HSD17B4: variants seen among roughly 807,000 people sequenced by gnomAD.
HSD17B4 encodes the protein peroxisomal multifunctional enzyme type 2.
HSD17B4 carries 70 observed loss-of-function variants against 101.0 expected under a neutral mutation model. That is an observed-to-expected ratio of 0.69 (90% CI 0.57 to 0.85). The LOEUF is 0.85. HSD17B4 is among the 40% of genes least tolerant of loss of function. The probability of loss-of-function intolerance (pLI) is 0.00; values close to 1 mark genes in which losing one functional copy is unlikely to be tolerated. For synonymous variants in HSD17B4, 347 were observed against 297.1 expected (o/e 1.17, Z -1.73); for missense variants, 984 against 892.4 (o/e 1.10, Z -1.31).
chr5:119,500,090 A>T (rs879253484), intron 13 of HSD17B4, among the ~76,000 whole-genome samples: 1 of 152,128 alleles, frequency 6.6e-6, no homozygotes, highest in Non-Finnish European at 1.5e-5. Flanking sequence ...CCATTTGTTG[A>T]TCTGAGCTGA....
intron 21 of HSD17B4, 106 bp from the exon 22 acceptor site, chr5:119,531,160 T>C: frequency 1.5e-5 from 16 of 1,085,952 alleles, no homozygotes; most frequent in East Asian, 2.5e-5. Flanking sequence ...AACTGACTTA[T>C]GTACAGAGTT....
intron 17 of HSD17B4, among the ~76,000 whole-genome samples, chr5:119,523,924 A>T (rs1278814757): frequency 6.6e-6 from 1 of 152,122 alleles, no homozygotes; most frequent in East Asian, 1.9e-4. Context: ...TCTAGATCTG[A>T]CTAGTACCAA....
At chr5:119,464,444 T>G (rs534284316) in intron 2 of HSD17B4, among the ~76,000 whole-genome samples, 1 of 152,322 alleles carries the variant, frequency 6.6e-6, no homozygotes, top group East Asian at 1.9e-4. Flanking sequence ...TTGAAGAGAC[T>G]GTCATTTCCC....
At chr5:119,534,576 G>A (rs1754383869) in intron 22 of HSD17B4, among the ~76,000 whole-genome samples, 1 of 152,012 alleles carries the variant, frequency 6.6e-6, no homozygotes, top group Non-Finnish European at 1.5e-5. Context: ...CTGGGTTGGT[G>A]CTCATCTTCT....
At chr5:119,517,200 C>T (rs1752697461) in intron 17 of HSD17B4, among the ~76,000 whole-genome samples, 2 of 152,234 alleles carry the variant, frequency 1.3e-5, no homozygotes, top group African/African-American at 4.8e-5. Context: ...GCACTCAGAG[C>T]AGCTGGCCGG....
chr5:119,473,094 C>T (rs1052815296), intron 2 of HSD17B4, among the ~76,000 whole-genome samples: 13 of 152,002 alleles, frequency 8.6e-5, no homozygotes, highest in Non-Finnish European at 1.9e-4. Flanking sequence ...CATTGGAGTG[C>T]TAATATCCTT....
chr5:119,513,741 C>T (rs1752372554), intron 16 of HSD17B4, among the ~76,000 whole-genome samples: 1 of 152,094 alleles, frequency 6.6e-6, no homozygotes, highest in African/African-American at 2.4e-5. Flanking sequence ...ACAAGTATCA[C>T]TTGTTGCTTT....
chr5:119,508,724 T>C (rs1329908781), intron 15 of HSD17B4, among the ~76,000 whole-genome samples: 1 of 152,228 alleles, frequency 6.6e-6, no homozygotes, highest in Non-Finnish European at 1.5e-5. Context: ...ATGTGGCTTA[T>C]ACCTTCATTC....
chr5:119,454,158 AT>A (rs1285284349), intron 1 of HSD17B4, among the ~76,000 whole-genome samples: 2 of 152,218 alleles, frequency 1.3e-5, no homozygotes, highest in South Asian at 2.1e-4. Context: ...CCTGAAATTT[AT>A]TTTCTATTCT....
At chr5:119,501,933 A>G in intron 13 of HSD17B4, 108 bp from the exon 14 acceptor site, 1 of 714,044 alleles carries the variant, frequency 1.4e-6, no homozygotes, top group Non-Finnish European at 2.5e-6. Flanking sequence ...CTTGGAGAGA[A>G]ATGTGAGCCT....
chr5:119,527,108 T>A (rs1561486795), intron 19 of HSD17B4, 25 bp from the exon 20 acceptor site: 1 of 1,419,212 alleles, frequency 7.0e-7, no homozygotes, highest in East Asian at 2.3e-5. Context: ...TAAAACATTT[T>A]TAACCCCACA....
At chr5:119,519,033 G>A (rs1012020816) in intron 17 of HSD17B4, among the ~76,000 whole-genome samples, 3 of 152,174 alleles carry the variant, frequency 2.0e-5, no homozygotes, top group Admixed American at 6.5e-5. Context: ...CAGCTACTCA[G>A]GAGGCTGAGG....
rs201340722 is a variant in HSD17B4 at position 119,499,407 on chromosome 5, A to C, written c.1063A>C (p.Ile355Leu). 6.2e-7 allele frequency: 1 copy of C among 1,613,604 alleles called. No individual in the cohort carries two copies. Residue 355 changes from isoleucine (I) to leucine (L), a missense_variant, in exon 13 of 24, where the codon ATC (isoleucine) becomes CTC (leucine). By Grantham distance (5) the Ile-to-Leu change is conservative. Coordinates refer to ENST00000510025, the MANE Select transcript of HSD17B4 (RefSeq NM_000414.4). ...IMYALGVGAS[I>L]KDPKDLKFIY... is the part of the protein sequence containing the mutation. ...GTATGCCCTTGGAGTGGGAGCGTCA[A>C]TCAAGGATCCAAAAGATTTGAAATT...
intron 12 of HSD17B4, among the ~76,000 whole-genome samples, chr5:119,497,811 G>T (rs931873989): frequency 5.3e-5 from 8 of 152,118 alleles, no homozygotes; most frequent in African/African-American, 1.7e-4. Flanking sequence ...TTAAACTTTT[G>T]CTTTTTCTTT....
intron 4 of HSD17B4, 37 bp downstream of exon 4, chr5:119,474,497 C>G (rs769301314): frequency 1.4e-5 from 17 of 1,194,684 alleles, no homozygotes; most frequent in Non-Finnish European, 2.1e-5. Context: ...TGTGGAGCAA[C>G]TTCTACCTTC....
At chr5:119,540,120 A>G (rs781275728) in intron 23 of HSD17B4, among the ~76,000 whole-genome samples, 8 of 152,116 alleles carry the variant, frequency 5.3e-5, no homozygotes, top group Non-Finnish European at 1.2e-4. Flanking sequence ...CTTTCTGGAA[A>G]GCACAGTGCT....
At chr5:119,496,949 AT>A (rs1750704307) in intron 12 of HSD17B4, among the ~76,000 whole-genome samples, 1 of 152,054 alleles carries the variant, frequency 6.6e-6, no homozygotes, top group Non-Finnish European at 1.5e-5. Flanking sequence ...AGAGTACTTT[AT>A]TTGTCTTTTT....
At chr5:119,484,906 T>C (rs1258157204) in intron 8 of HSD17B4, among the ~76,000 whole-genome samples, 1 of 152,192 alleles carries the variant, frequency 6.6e-6, no homozygotes, top group Non-Finnish European at 1.5e-5. Context: ...TATGTTCTCA[T>C]AGTCGTGTCA....
intron 22 of HSD17B4, among the ~76,000 whole-genome samples, chr5:119,533,390 G>A (rs868550052): frequency 6.6e-6 from 1 of 151,844 alleles, no homozygotes; most frequent in African/African-American, 2.4e-5. Flanking sequence ...GCATTGCAGA[G>A]TGAAAGGAAG....
Sources: allele counts gnomAD v4.1 joint callset (sites outside exome capture counted in the v4.1 genomes callset), GRCh38; gene constraint gnomAD v4.1.1; transcripts MANE v1.5; gene names NCBI Gene and HGNC (gene_info 2026-07-23, HGNC 2026-07-21).